The following CSMD1 variants were observed in gnomAD, a reference collection of about 807,000 sequenced individuals.
CSMD1 encodes CUB and sushi domain-containing protein 1.
A neutral mutation model predicts 417.5 loss-of-function variants in CSMD1; 213 were observed. The observed-to-expected ratio is 0.51, with a 90% confidence interval of 0.46 to 0.57. The LOEUF is 0.57. Among genes scored for constraint, CSMD1 ranks in the 20% least tolerant of loss-of-function variants. The pLI is 0.00. For missense variants in CSMD1, 6,923 were observed against 4,529.7 expected, an observed-to-expected ratio of 1.53 and a Z score of -15.17; for synonymous variants, 2,862 against 1,736.8, an observed-to-expected ratio of 1.65 and a Z score of -16.11.
chr8:4,110,711 T>A (rs1051559633), intron 3 of CSMD1, among the ~76,000 whole-genome samples: 2 of 152,090 alleles, frequency 1.3e-5, no homozygotes, highest in Admixed American at 6.6e-5. Context: ...TTCAGGGTTT[T>A]TTTTCCCCTT....
intron 3 of CSMD1, among the ~76,000 whole-genome samples, chr8:4,069,183 A>C (rs974382479): frequency 6.6e-6 from 1 of 152,224 alleles, no homozygotes; most frequent in Non-Finnish European, 1.5e-5. Context: ...GGTAGGCATA[A>C]AACCACATAC....
chr8:3,365,972 A>C (rs1380240369), intron 20 of CSMD1, among the ~76,000 whole-genome samples: 1 of 152,204 alleles, frequency 6.6e-6, no homozygotes, highest in Non-Finnish European at 1.5e-5. Flanking sequence ...TTGGTTTGGG[A>C]GATAAGATAA....
At chr8:4,541,797 AAATAAT>A (rs959085028) in intron 2 of CSMD1, among the ~76,000 whole-genome samples, 8 of 152,244 alleles carry the variant, frequency 5.3e-5, no homozygotes, top group South Asian at 2.1e-4. Context: ...GCTTGACCAA[AAATAAT>A]AATAATAAGT....
intron 5 of CSMD1, among the ~76,000 whole-genome samples, chr8:3,869,759 C>G (rs1049291626): frequency 6.6e-6 from 1 of 152,038 alleles, no homozygotes; most frequent in Non-Finnish European, 1.5e-5. Flanking sequence ...GCAGGCAACA[C>G]GGGGCCAGGG....
intron 5 of CSMD1, among the ~76,000 whole-genome samples, chr8:3,762,869 T>C (rs1798087615): frequency 1.3e-5 from 2 of 152,156 alleles, no homozygotes; most frequent in African/African-American, 4.8e-5. Context: ...GTGGACAGTG[T>C]GAGGAAGCTG....
intron 3 of CSMD1, among the ~76,000 whole-genome samples, chr8:4,287,187 T>A (rs968989929): frequency 1.3e-5 from 2 of 152,204 alleles, no homozygotes; most frequent in African/African-American, 4.8e-5. Context: ...ACTAAACAGT[T>A]TAATTTTACT....
intron 6 of CSMD1, among the ~76,000 whole-genome samples, chr8:3,751,596 T>C (rs1237046744): frequency 1.3e-5 from 2 of 151,096 alleles, no homozygotes; most frequent in South Asian, 2.1e-4. Context: ...GTATTGTTTA[T>C]ATAATTTATA....
intron 5 of CSMD1, among the ~76,000 whole-genome samples, chr8:3,974,241 TA>T (rs1813269998): frequency 6.6e-6 from 1 of 150,738 alleles, no homozygotes; most frequent in African/African-American, 2.5e-5. Context: ...TTAAATAATA[TA>T]ATTATCTTAA....
intron 2 of CSMD1, among the ~76,000 whole-genome samples, chr8:4,420,483 G>C (rs1012978424): frequency 1.3e-5 from 2 of 151,948 alleles, no homozygotes; most frequent in African/African-American, 4.8e-5. Flanking sequence ...CATCACGTCG[G>C]TATGAAGCCC....
At chr8:4,629,379 T>G (rs1802369422) in intron 2 of CSMD1, among the ~76,000 whole-genome samples, 1 of 152,176 alleles carries the variant, frequency 6.6e-6, no homozygotes, top group South Asian at 2.1e-4. Context: ...TACTGCATTG[T>G]TTTAACTTGG....
At chr8:3,543,013 A>G (rs7011786) in intron 10 of CSMD1, among the ~76,000 whole-genome samples, 7,156 of 151,892 alleles carry the variant, frequency 0.047, 489 homozygotes, top group African/African-American at 0.15. Flanking sequence ...ATCCCACTTC[A>G]TGGCACCTGC....
chr8:4,339,466 C>T lies in CSMD1; in HGVS notation c.415+80487G>A, dbSNP rs192807011. Reference sequence around the variant, plus strand: ...TTGAATCAGCTGTACAAAGCTACCGCGAAATGAGATACTGGAGCTGAGTGA... The same window carrying T: ...TTGAATCAGCTGTACAAAGCTACCGTGAAATGAGATACTGGAGCTGAGTGA... On this transcript the variant is annotated intron_variant, in intron 3 of 69. Transcript: ENST00000635120. 8.6e-5 allele frequency among the ~76,000 whole-genome samples: 13 copies of T among 152,036 alleles called. No individual in the cohort carries two copies. The East Asian group carries it at 1.6e-3, about 18-fold the overall frequency.
chr8:4,437,231 A>C (rs909094356), intron 2 of CSMD1, among the ~76,000 whole-genome samples: 2 of 152,256 alleles, frequency 1.3e-5, no homozygotes, highest in African/African-American at 4.8e-5. Context: ...TATCAAATTG[A>C]AGAACTGGTT....
At chr8:3,293,877 G>C (rs745658415) in intron 25 of CSMD1, among the ~76,000 whole-genome samples, 1 of 152,218 alleles carries the variant, frequency 6.6e-6, no homozygotes, top group Non-Finnish European at 1.5e-5. Flanking sequence ...GTGAGGAGCT[G>C]TGTTCCTTTG....
chr8:4,808,577 C>A (rs1298856087), intron 1 of CSMD1, among the ~76,000 whole-genome samples: 1 of 152,126 alleles, frequency 6.6e-6, no homozygotes, highest in African/African-American at 2.4e-5. Context: ...AGACACTTAT[C>A]ATAATGGGTG....
chr8:3,975,800 A>G (rs909973451), intron 5 of CSMD1, among the ~76,000 whole-genome samples: 1 of 152,168 alleles, frequency 6.6e-6, no homozygotes, highest in Admixed American at 6.5e-5. Context: ...AAAAACCCAT[A>G]TAGGTTTATT....
intron 3 of CSMD1, among the ~76,000 whole-genome samples, chr8:4,090,352 C>A (rs565062508): frequency 6.6e-6 from 1 of 152,118 alleles, no homozygotes; most frequent in Non-Finnish European, 1.5e-5. Context: ...ATCTATCATG[C>A]CTTAAAAATA....
chr8:3,750,167 A>G (rs1175594108), intron 6 of CSMD1, among the ~76,000 whole-genome samples: 1 of 152,170 alleles, frequency 6.6e-6, no homozygotes, highest in Non-Finnish European at 1.5e-5. Context: ...ATAATCTGCA[A>G]TCGTATCAAT....
At chr8:4,340,469 A>C (rs1341129661) in intron 3 of CSMD1, among the ~76,000 whole-genome samples, 1 of 152,112 alleles carries the variant, frequency 6.6e-6, no homozygotes, top group African/African-American at 2.4e-5. Flanking sequence ...GGGTCTGTCT[A>C]GGGGTGATGA....
Sources: gnomAD v4.1 joint callset for allele counts (sites outside exome capture counted in the v4.1 genomes callset) on GRCh38, gnomAD v4.1.1 for gene constraint, MANE v1.5 for transcripts, NCBI Gene and HGNC (gene_info 2026-07-23, HGNC 2026-07-21) for gene names.